Variants in MTMR9 observed in about 807,000 individuals in gnomAD.
MTMR9 encodes myotubularin-related protein 9.
Under a neutral mutation model 69.5 loss-of-function variants are expected in MTMR9, and 39 were observed. The ratio of observed to expected loss-of-function variants is 0.56; its 90% CI spans 0.43 to 0.73. The LOEUF (loss-of-function observed/expected upper bound fraction) is 0.73. Among genes scored for constraint, MTMR9 ranks in the 30% least tolerant of loss-of-function variants. The pLI, the probability that MTMR9 is intolerant of heterozygous loss-of-function variation, is 0.00. For synonymous variants in MTMR9, 354 were observed against 240.8 expected (o/e 1.47, Z -4.35); for missense variants, 900 against 671.2 (o/e 1.34, Z -3.77).
downstream of MTMR9, chr8:11,331,964 G>C: frequency 6.2e-7 from 1 of 1,612,030 alleles, no homozygotes; most frequent in Non-Finnish European, 8.5e-7. Flanking sequence ...GCGCTGTCCT[G>C]CATTCCGAGG....
downstream of MTMR9, chr8:11,331,126 A>C: frequency 6.2e-7 from 1 of 1,603,650 alleles, no homozygotes; most frequent in Non-Finnish European, 8.5e-7. Flanking sequence ...AGTCACCCCT[A>C]CTTCAACCTG....
the MTMR9 span, among the ~76,000 whole-genome samples, chr8:11,333,510 G>A: frequency 6.6e-6 from 1 of 152,168 alleles, no homozygotes; most frequent in Admixed American, 6.5e-5. Context: ...GCTAAAGGGG[G>A]TCCTTCAGTG....
At chr8:11,299,145 T>C (rs1460344990) in intron 2 of MTMR9, among the ~76,000 whole-genome samples, 2 of 152,140 alleles carry the variant, frequency 1.3e-5, no homozygotes, top group African/African-American at 4.8e-5. Flanking sequence ...CTGGCCAACA[T>C]GGTGAAACCC....
intron 2 of MTMR9, among the ~76,000 whole-genome samples, chr8:11,296,761 CTT>C (rs1221357448): frequency 2.6e-5 from 4 of 152,122 alleles, no homozygotes; most frequent in Non-Finnish European, 4.4e-5. Flanking sequence ...TGTGGTGAGA[CTT>C]TTAAAAAGTT....
intron 8 of MTMR9, 82 bp downstream of exon 8, chr8:11,316,975 G>C (rs11784572): frequency 0.63 from 494,253 of 780,424 alleles, 160,263 homozygotes; most frequent in East Asian, 0.97. Flanking sequence ...CCTAGGAGAC[G>C]ACGATTTGGA....
downstream of MTMR9, among the ~76,000 whole-genome samples, chr8:11,329,911 C>T (rs572572207): frequency 2.0e-5 from 3 of 151,110 alleles, no homozygotes; most frequent in East Asian, 2.0e-4. Flanking sequence ...ATGTGGGGAG[C>T]GCCTCTGCCC....
At chr8:11,290,433 C>G (rs1457071042) in intron 1 of MTMR9, among the ~76,000 whole-genome samples, 1 of 151,650 alleles carries the variant, frequency 6.6e-6, no homozygotes, top group African/African-American at 2.4e-5. Flanking sequence ...CTGTGGTGCC[C>G]TTTGTTGAAC....
chr8:11,296,254 G>A (rs905465280), intron 2 of MTMR9, among the ~76,000 whole-genome samples: 5 of 152,194 alleles, frequency 3.3e-5, no homozygotes, highest in East Asian at 3.9e-4. Context: ...AAGGATAATA[G>A]TACCTATCTT....
intron 6 of MTMR9, among the ~76,000 whole-genome samples, chr8:11,313,074 C>G (rs1800268102): frequency 6.6e-6 from 1 of 152,214 alleles, no homozygotes; most frequent in Non-Finnish European, 1.5e-5. Context: ...TAGTGTAACC[C>G]TTAAGGCCCC....
chr8:11,286,620 C>A (rs532440736), intron 1 of MTMR9, among the ~76,000 whole-genome samples: 1 of 137,238 alleles, frequency 7.3e-6, no homozygotes, highest in Non-Finnish European at 1.5e-5. Context: ...GAGCCGAGAT[C>A]GGGCCACTGC....
At chr8:11,294,716 C>T (rs1799489715) in intron 1 of MTMR9, 1 of 152,520 alleles carries the variant, frequency 6.6e-6, no homozygotes, top group Non-Finnish European at 1.5e-5. Context: ...GTCTTGATCT[C>T]CTGACCTCGT....
At chr8:11,322,300 A>G (rs1800728465) in intron 9 of MTMR9, among the ~76,000 whole-genome samples, 1 of 152,360 alleles carries the variant, frequency 6.6e-6, no homozygotes, top group East Asian at 1.9e-4. Context: ...TGGAAAGTTT[A>G]TGACATTGCA....
intron 1 of MTMR9, among the ~76,000 whole-genome samples, chr8:11,286,369 TAA>T (rs1799155114): frequency 6.6e-6 from 1 of 151,834 alleles, no homozygotes; most frequent in South Asian, 2.1e-4. Context: ...TTTTGCTGTA[TAA>T]AGTCTTCAGT....
intron 5 of MTMR9, among the ~76,000 whole-genome samples, chr8:11,308,547 T>C (rs1800059886): frequency 6.6e-6 from 1 of 152,192 alleles, no homozygotes; most frequent in Non-Finnish European, 1.5e-5. Flanking sequence ...TGTTCATATT[T>C]TCTTTCTTCA....
the MTMR9 span, among the ~76,000 whole-genome samples, chr8:11,338,053 G>T: frequency 6.6e-6 from 1 of 152,242 alleles, no homozygotes; most frequent in East Asian, 1.9e-4. Context: ...TCTTGAGGGA[G>T]CATTCGGACT....
chr8:11,292,057 T>C (rs568257575), intron 1 of MTMR9, among the ~76,000 whole-genome samples: 11 of 152,294 alleles, frequency 7.2e-5, no homozygotes, highest in Non-Finnish European at 1.2e-4. Flanking sequence ...CTTCTTTTCT[T>C]TTCCAAGTAG....
At chr8:11,331,779 C>G (rs764258190), downstream of MTMR9, 28 of 1,611,556 alleles carry the variant, frequency 1.7e-5, no homozygotes, top group Admixed American at 1.5e-4. Flanking sequence ...AGTGGCCTTC[C>G]TATCTGGCTT....
Position 11,287,839 on chromosome 8 carries a change from ATATTTTATTATAT to A in MTMR9, c.182+2770_182+2782del, listed in dbSNP as rs1361091911. ...TATAATATATAATATATAACATTAT[ATATTTTATTATAT>A]ATGTTATATATTATATTATAATATA... On this transcript the variant is annotated intron_variant, in intron 1 of 9. Coordinates refer to ENST00000221086, the MANE Select transcript of MTMR9 (RefSeq NM_015458.4). 3.3e-5 allele frequency among the ~76,000 whole-genome samples: 4 copies of A among 122,954 alleles called. 1 individual carries two copies. In the Middle Eastern group the frequency reaches 0.013, roughly 397 times the overall value. 80.7% of individuals were successfully genotyped at this position (122,954 alleles called of 152,430 possible).
At chr8:11,308,966 C>T (rs1800078694) in intron 5 of MTMR9, among the ~76,000 whole-genome samples, 1 of 152,180 alleles carries the variant, frequency 6.6e-6, no homozygotes, top group Non-Finnish European at 1.5e-5. Context: ...GCTACATATA[C>T]TTATATTTTC....
Sources: allele counts gnomAD v4.1 joint callset (sites outside exome capture counted in the v4.1 genomes callset), GRCh38; gene constraint gnomAD v4.1.1; transcripts MANE v1.5; gene names NCBI Gene and HGNC (gene_info 2026-07-23, HGNC 2026-07-21).